The following CCDC50 variants were observed in gnomAD, a reference collection of about 807,000 sequenced individuals.
The protein encoded by CCDC50 is coiled-coil domain containing 50.
A neutral mutation model predicts 70.2 loss-of-function variants in CCDC50; 54 were observed. The observed-to-expected ratio is 0.77, with a 90% CI of 0.62 to 0.96. The LOEUF is 0.96. CCDC50 is among the 50% of genes least tolerant of loss of function. The probability of loss-of-function intolerance (pLI) is 0.00; values close to 1 mark genes in which losing one functional copy is unlikely to be tolerated. For missense variants in CCDC50, 558 were observed against 578.7 expected, an observed-to-expected ratio of 0.96 and a Z score of 0.37; for synonymous variants, 216 against 198.8, an observed-to-expected ratio of 1.09 and a Z score of -0.73.
chr3:191,383,512 A>G (rs996316137), intron 10 of CCDC50, among the ~76,000 whole-genome samples: 2 of 152,138 alleles, frequency 1.3e-5, no homozygotes, highest in African/African-American at 4.8e-5. Flanking sequence ...AAAAAGTAAC[A>G]CTAAGTTTAA....
In CCDC50 at chr3:191,397,490, G is replaced by C. The variant is rs897598054; in HGVS notation, c.*5730G>C. The C allele has an allele frequency of 2.6e-5, 4 of 152,174 alleles. No individual in the cohort carries two copies. The highest frequency in any genetic ancestry group is 5.9e-5 in the Non-Finnish European group (4 of 68,030). The allele number at this position is 152,174 out of a possible 1,614,324, so 9.4% of individuals were successfully genotyped here. A position where few individuals can be genotyped will look rare whatever the true frequency, so the allele number is the denominator to read the frequency against. ...ATTGAGAAGATACACTGGGGAGATA[G>C]CATATAAAAATGATGCTCCAAAATG... On this transcript the variant is annotated 3_prime_UTR_variant, in exon 12 of 12. Coordinates refer to ENST00000392455, the MANE Select transcript of CCDC50 (RefSeq NM_178335.3).
chr3:191,370,672 A>G (rs1436344803), intron 5 of CCDC50, among the ~76,000 whole-genome samples: 8 of 151,708 alleles, frequency 5.3e-5, no homozygotes, highest in African/African-American at 1.7e-4. Flanking sequence ...TATTTTTAGT[A>G]GAGGCGAGGT....
rs1560168359 is a variant in CCDC50, at chr3:191,375,581, A to C, written c.968A>C (p.His323Pro). The change falls in exon 6 of 12, where the codon CAT (histidine) becomes CCT (proline). Residue 323 changes from histidine to proline, a missense_variant. His to Pro is a moderately conservative substitution (Grantham distance 77, BLOSUM62 -2). Coordinates refer to ENST00000392455, the MANE Select transcript of CCDC50 (RefSeq NM_178335.3). ...GAGAGTGAGGAGCAGCTCCACCTCC[A>C]TGACGCAGGTAATAGAGGACAGTCT... The part of the protein sequence containing the change: ...FSESEEQLHL[H>P]DAGMKPRVMK... 1 of 1,613,048 alleles carries C rather than the reference A, an allele frequency of 6.2e-7. No individual in the cohort carries two copies. The highest frequency in any genetic ancestry group is 8.5e-7 in the Non-Finnish European group (1 of 1,179,568).
chr3:191,337,124 C>T (rs1711547136), intron 1 of CCDC50, among the ~76,000 whole-genome samples: 1 of 151,122 alleles, frequency 6.6e-6, no homozygotes. Context: ...GCAGAGACCA[C>T]GTGATTGGCA....
chr3:191,345,707 G>A (rs1458012595), intron 1 of CCDC50, among the ~76,000 whole-genome samples: 1 of 151,856 alleles, frequency 6.6e-6, no homozygotes, highest in Non-Finnish European at 1.5e-5. Context: ...AGGTTACCGG[G>A]GTTTTCATTT....
rs1713816031 is a variant in CCDC50 at position 191,394,969 on chromosome 3, A to G, written c.*3209A>G. On this transcript the variant is annotated 3_prime_UTR_variant, in exon 12 of 12. Transcript: ENST00000392455. Reference sequence around the variant, plus strand: ...TTACAACCAGCAGCAGCATACCAATAAATTACAAAAGCAGAAAATGAAAAT... The same window carrying G: ...TTACAACCAGCAGCAGCATACCAATGAATTACAAAAGCAGAAAATGAAAAT... The G allele has an allele frequency of 6.6e-6, 1 of 152,160 alleles. No homozygotes were observed. Among genetic ancestry groups the G allele is most frequent in the Admixed American group, 6.5e-5 (1 of 15,284 alleles). The allele number at this position is 152,160 out of a possible 1,614,324, so 9.4% of individuals were successfully genotyped here. A position where few individuals can be genotyped will look rare whatever the true frequency, so the allele number is the denominator to read the frequency against.
chr3:191,346,611 T>C (rs1711934867), intron 1 of CCDC50, among the ~76,000 whole-genome samples: 1 of 152,182 alleles, frequency 6.6e-6, no homozygotes, highest in Non-Finnish European at 1.5e-5. Flanking sequence ...GAATGTCAGT[T>C]GTTTCTACAA....
intron 5 of CCDC50, 100 bp from the exon 6 acceptor site, chr3:191,374,962 C>G: frequency 1.6e-6 from 2 of 1,213,968 alleles, no homozygotes; most frequent in Non-Finnish European, 2.4e-6. Context: ...TTTTAAAGTA[C>G]GTTAAACTGG....
rs989119675 is a variant in CCDC50 at position 191,329,440 on chromosome 3, G to C, written c.-235G>C. 2 of 459,198 alleles carry C rather than the reference G, an allele frequency of 4.4e-6. No homozygotes were observed. Among genetic ancestry groups the C allele is most frequent in the Non-Finnish European group, 7.6e-6 (2 of 261,970 alleles). 28.4% of individuals were successfully genotyped at this position (459,198 alleles called of 1,614,324 possible). A position where few individuals can be genotyped will look rare whatever the true frequency, so the allele number is the denominator to read the frequency against. On this transcript the variant is annotated 5_prime_UTR_variant, in exon 1 of 12. Coordinates refer to ENST00000392455, the MANE Select transcript of CCDC50 (RefSeq NM_178335.3). ...GGTATCGATTGGGGCCGGGGACGCGGAGCAGGTGGCCGCGGCGGGGCAGCT... is the reference window on the plus strand; with the variant it reads ...GGTATCGATTGGGGCCGGGGACGCGCAGCAGGTGGCCGCGGCGGGGCAGCT...
chr3:191,388,021 T>A (rs1713556704), intron 10 of CCDC50, among the ~76,000 whole-genome samples: 1 of 152,082 alleles, frequency 6.6e-6, no homozygotes, highest in African/African-American at 2.4e-5. Flanking sequence ...TTATTAAAGA[T>A]AAGTGTTAAA....
intron 1 of CCDC50, among the ~76,000 whole-genome samples, chr3:191,354,436 T>C (rs893080800): frequency 6.6e-6 from 1 of 152,222 alleles, no homozygotes; most frequent in Non-Finnish European, 1.5e-5. Flanking sequence ...TTAAGAAATA[T>C]TTTTAAAATT....
chr3:191,371,656 T>G (rs944010442), intron 5 of CCDC50, among the ~76,000 whole-genome samples: 2 of 152,230 alleles, frequency 1.3e-5, no homozygotes, highest in African/African-American at 2.4e-5. Flanking sequence ...CATTTTTTGC[T>G]CTAAATTTAC....
chr3:191,372,123 T>C lies in CCDC50; in HGVS notation c.448+2087T>C, dbSNP rs539855200. Among the ~76,000 whole-genome samples the C allele has an allele frequency of 2.0e-5, 3 of 152,344 alleles. No homozygotes were observed. The South Asian group carries it at 6.2e-4, about 32-fold the overall frequency. The stretch of plus-strand genomic sequence containing the variant: ...TTTGATCAGAGTGCTGTCATTCTGA[T>C]TTGTTTCTCTAGGGCAGGAGACTAT... On this transcript the variant is annotated intron_variant, in intron 5 of 11. Transcript: ENST00000392455.
Position 191,373,547 on chromosome 3 carries a change from C to T in CCDC50, c.449-1515C>T, listed in dbSNP as rs905782728. On this transcript the variant is annotated intron_variant, in intron 5 of 11. Transcript: ENST00000392455. ...TATTAACACCGTAAACCATTGTTCC[C>T]CGGATGTGGTCATCATTTAAGTGGC... Among the ~76,000 whole-genome samples the T allele has an allele frequency of 3.9e-5, 6 of 152,122 alleles. No individual in the cohort carries two copies. The South Asian group carries it at 1.2e-3, about 32-fold the overall frequency.
At chr3:191,355,790 A>G (rs1576957102) in intron 1 of CCDC50, among the ~76,000 whole-genome samples, 1 of 152,204 alleles carries the variant, frequency 6.6e-6, no homozygotes, top group African/African-American at 2.4e-5. Context: ...TTGAGCGAGG[A>G]TTAAGCAGGT....
intron 1 of CCDC50, among the ~76,000 whole-genome samples, chr3:191,353,707 C>T (rs1712178039): frequency 1.4e-5 from 2 of 141,326 alleles, no homozygotes; most frequent in South Asian, 4.5e-4. Context: ...AGAGTGGGTT[C>T]AGAAGAAATT....
chr3:191,337,600 C>T (rs1391704293), intron 1 of CCDC50, among the ~76,000 whole-genome samples: 1 of 151,962 alleles, frequency 6.6e-6, no homozygotes, highest in Non-Finnish European at 1.5e-5. Flanking sequence ...ATCTCGGCCT[C>T]CCAAAGTGCT....
intron 6 of CCDC50, among the ~76,000 whole-genome samples, chr3:191,376,395 A>G (rs1422679300): frequency 6.6e-6 from 1 of 152,000 alleles, no homozygotes; most frequent in Non-Finnish European, 1.5e-5. Flanking sequence ...AATTTCTGGC[A>G]CCCCTGAGGC....
At chr3:191,362,393 G>A (rs1712525150) in intron 4 of CCDC50, among the ~76,000 whole-genome samples, 1 of 152,080 alleles carries the variant, frequency 6.6e-6, no homozygotes, top group Admixed American at 6.5e-5. Context: ...CCAAAGCACT[G>A]GAATTACTGG....
Sources: gnomAD v4.1 joint callset for allele counts (sites outside exome capture counted in the v4.1 genomes callset) on GRCh38, gnomAD v4.1.1 for gene constraint, MANE v1.5 for transcripts, NCBI Gene and HGNC (gene_info 2026-07-23, HGNC 2026-07-21) for gene names.